Variants in RNF41 observed in about 807,000 individuals in gnomAD.
The protein encoded by RNF41 is ring finger protein 41, also known as E3 ubiquitin-protein ligase NRDP1.
A neutral mutation model predicts 33.0 loss-of-function variants in RNF41; 4 were observed. The ratio of observed to expected loss-of-function variants is 0.12; its 90% CI spans 0.06 to 0.28. RNF41 has a LOEUF of 0.28. Ranked by LOEUF, RNF41 falls within the 10% of genes least tolerant of loss-of-function variation. The pLI is 1.00. For synonymous variants in RNF41, 164 were observed against 153.2 expected, an observed-to-expected ratio of 1.07 and a Z score of -0.52; for missense variants, 228 against 432.6, an observed-to-expected ratio of 0.53 and a Z score of 4.19.
chr12:56,210,385 C>T lies in RNF41; in HGVS notation c.274G>A (p.Ala92Thr). The change falls in exon 4 of 7, where the codon GCC becomes ACC. Residue 92 changes from alanine to threonine, a missense_variant. Ala to Thr is a moderately conservative substitution (Grantham distance 58). This residue lies in a region of RNF41 where 199 missense variants were observed against 334.6 expected (regional missense o/e 0.59). Transcript: ENST00000345093. ...ATGAGGTTGTCAAGCCGGACAACGG[C>T]ACTACAGCCGAACACAGCGTTGTCA... ...ACDNAVFGCS[A>T]VVRLDNLMSH... 6.2e-7 allele frequency: 1 copy of T among 1,614,222 alleles called. No homozygotes were observed. Among genetic ancestry groups the T allele is most frequent in the East Asian group, 2.2e-5 (1 of 44,880 alleles).
chr12:56,209,352 C>T (rs1392351858), intron 4 of RNF41, among the ~76,000 whole-genome samples: 2 of 151,944 alleles, frequency 1.3e-5, no homozygotes, highest in African/African-American at 2.4e-5. Flanking sequence ...AGTGCAATGG[C>T]GCGATCTCAG....
Position 56,206,549 on chromosome 12 carries a change from C to T in RNF41, c.852G>A (p.Gln284=), listed in dbSNP as rs775270365. The T allele has an allele frequency of 6.2e-7, 1 of 1,614,200 alleles. No individual in the cohort carries two copies. Among genetic ancestry groups the T allele is most frequent in the Admixed American group, 1.7e-5 (1 of 60,030 alleles). ...TCTCACAGGCCATCACGACAACAGC[C>T]TGCTTGCCAGGGATGCGCTTGGCCA... ...NYVAKRIPGK[Q]AVVVMACENQ... is the part of the protein sequence containing the mutation. Residue 284 remains glutamine, a synonymous_variant, in exon 7 of 7, where the codon CAG becomes CAA. Transcript: ENST00000345093. This position sits in a 1 kb window ranked among gnomAD's most constrained non-coding sequence, Gnocchi z 5.7.
At chr12:56,219,048 G>C (rs1380320370) in intron 1 of RNF41, among the ~76,000 whole-genome samples, 1 of 150,668 alleles carries the variant, frequency 6.6e-6, no homozygotes, top group Non-Finnish European at 1.5e-5. Flanking sequence ...TGTCGCTCAG[G>C]ATGGAGTGCA....
At position 56,203,216 on chromosome 12, in the gene RNF41, GCT is replaced by G. The variant is rs965223923; in HGVS notation, c.*3229_*3230del. 2 of 151,340 alleles carry G rather than the reference GCT, an allele frequency of 1.3e-5. No individual in the cohort carries two copies. Among genetic ancestry groups the G allele is most frequent in the African/African-American group, 4.9e-5 (2 of 40,840 alleles). The allele number at this position is 151,340 out of a possible 1,614,324, so 9.4% of individuals were successfully genotyped here. The stretch of plus-strand genomic sequence containing the variant: ...TTTTTTTTTTTTGAGACAGGCTCTT[GCT>G]CTGTCACCAGGCTGGAGTGCAGTGG... On this transcript the variant is annotated 3_prime_UTR_variant, in exon 7 of 7. Coordinates refer to ENST00000345093, the MANE Select transcript of RNF41 (RefSeq NM_005785.4).
chr12:56,205,289 A>G lies in RNF41; in HGVS notation c.*1158T>C, dbSNP rs1176696270. On this transcript the variant is annotated 3_prime_UTR_variant, in exon 7 of 7. Transcript: ENST00000345093. ...GAAGCTCCTCATTTCAGTTGGGGTTACAGAGGTTTGGGGCAGATATCGTAA... is the reference window on the plus strand; with the variant it reads ...GAAGCTCCTCATTTCAGTTGGGGTTGCAGAGGTTTGGGGCAGATATCGTAA... The G allele has an allele frequency of 1.3e-5, 2 of 152,182 alleles. No homozygotes were observed. Among genetic ancestry groups the G allele is most frequent in the Non-Finnish European group, 2.9e-5 (2 of 68,056 alleles). The allele number at this position is 152,182 out of a possible 1,614,324, so 9.4% of individuals were successfully genotyped here. A position where few individuals can be genotyped will look rare whatever the true frequency, so the allele number is the denominator to read the frequency against.
At chr12:56,213,743 C>A (rs1219836998) in intron 3 of RNF41, among the ~76,000 whole-genome samples, 1 of 152,148 alleles carries the variant, frequency 6.6e-6, no homozygotes, top group African/African-American at 2.4e-5. Context: ...AGAAAAAAAT[C>A]TGAACCACTG....
At chr12:56,221,184 G>C (rs1869387675) in intron 1 of RNF41, among the ~76,000 whole-genome samples, 1 of 152,080 alleles carries the variant, frequency 6.6e-6, no homozygotes, top group Non-Finnish European at 1.5e-5. Context: ...GTTAGGGAAG[G>C]CCTTCCAGTG....
intron 1 of RNF41, among the ~76,000 whole-genome samples, chr12:56,219,923 G>A (rs1044830670): frequency 2.6e-5 from 4 of 151,656 alleles, no homozygotes; most frequent in Admixed American, 2.6e-4. Context: ...AGGCTGAAGG[G>A]GGAAGGTCAA....
At chr12:56,221,034 C>T (rs1378815660) in intron 1 of RNF41, among the ~76,000 whole-genome samples, 1 of 152,178 alleles carries the variant, frequency 6.6e-6, no homozygotes, top group Non-Finnish European at 1.5e-5. Context: ...ATAACAGCCC[C>T]ACTTGCTATT....
intron 1 of RNF41, among the ~76,000 whole-genome samples, chr12:56,216,852 CAA>C (rs1388806295): frequency 6.6e-6 from 1 of 152,088 alleles, no homozygotes; most frequent in Non-Finnish European, 1.5e-5. Context: ...AAGAAAAGGA[CAA>C]GAGAGGCCGG....
rs866054447 is a variant in RNF41 at position 56,210,773 on chromosome 12, G to C, written c.91-205C>G. ...GATACGTTTCCTGCTGGGCACGGTG[G>C]CTCATGCCTGTAATCCCAGCACTTT... On this transcript the variant is annotated intron_variant, in intron 3 of 6. Coordinates refer to ENST00000345093, the MANE Select transcript of RNF41 (RefSeq NM_005785.4). Among the ~76,000 whole-genome samples, 5 of 152,226 alleles carry C rather than the reference G, an allele frequency of 3.3e-5. No individual in the cohort carries two copies. In the South Asian group the frequency reaches 1.0e-3, roughly 31 times the overall value.
At position 56,208,297 on chromosome 12, in the gene RNF41, G is replaced by A. The variant is rs906102102; in HGVS notation, c.364C>T (p.Leu122=). The stretch of plus-strand genomic sequence containing the variant: ...GGCAGCTCATCTTTGGGCATCTCCA[G>A]GCTGCAGACCAGGGTGGGGAAAGAG... ...RPVTCEQGCG[L]EMPKDELPNH... is the part of the protein sequence containing the mutation. The change falls in exon 5 of 7, where the codon CTG becomes TTG. Residue 122 remains leucine (L), a splice_region_variant and synonymous_variant. Coordinates refer to ENST00000345093, the MANE Select transcript of RNF41 (RefSeq NM_005785.4). 6.2e-7 allele frequency: 1 copy of A among 1,614,090 alleles called. No individual in the cohort carries two copies. Among genetic ancestry groups the A allele is most frequent in the African/African-American group, 1.3e-5 (1 of 75,046 alleles).
At chr12:56,221,277 C>T (rs1178049190) in intron 1 of RNF41, among the ~76,000 whole-genome samples, 1 of 152,118 alleles carries the variant, frequency 6.6e-6, no homozygotes, top group Non-Finnish European at 1.5e-5. Flanking sequence ...TCATGGAGGG[C>T]TGGGAGGGGG....
intron 1 of RNF41, among the ~76,000 whole-genome samples, chr12:56,218,767 G>A (rs778930429): frequency 1.9e-4 from 28 of 151,072 alleles, no homozygotes; most frequent in Non-Finnish European, 3.2e-4. Context: ...ACAGTGGCAC[G>A]ATCTTGGCTC....
intron 1 of RNF41, among the ~76,000 whole-genome samples, chr12:56,218,567 C>G (rs2135816424): frequency 1.3e-5 from 2 of 151,508 alleles, no homozygotes; most frequent in South Asian, 4.2e-4. Flanking sequence ...GCGCCCACCC[C>G]CAAATCTACA....
chr12:56,208,573 A>G lies in RNF41; in HGVS notation c.363-275T>C, dbSNP rs1450882346. 13 of 215,420 alleles carry G rather than the reference A, an allele frequency of 6.0e-5. No homozygotes were observed. In the Admixed American group the frequency reaches 7.1e-4, roughly 12 times the overall value. The allele number at this position is 215,420 out of a possible 1,614,324, so 13.3% of individuals were successfully genotyped here. ...ATTTATTTTATTTTGTATTTTTATT[A>G]TTTTTTTTGACACGGAGTTTCGCTC... is the stretch of plus-strand genomic sequence containing the variant. On this transcript the variant is annotated intron_variant, in intron 4 of 6. Transcript: ENST00000345093.
At chr12:56,207,212 C>T (rs1269614776) in intron 6 of RNF41, 4 of 1,328,402 alleles carry the variant, frequency 3.0e-6, no homozygotes, top group African/African-American at 3.0e-5. Flanking sequence ...TGAAAGAGAT[C>T]TTAGACTTCA....
chr12:56,215,934 C>T (rs975810990), intron 2 of RNF41, among the ~76,000 whole-genome samples: 2 of 151,702 alleles, frequency 1.3e-5, no homozygotes, highest in African/African-American at 2.4e-5. Flanking sequence ...CCAGCCTGGC[C>T]AACATGGTGA....
chr12:56,219,136 G>A (rs2135817244), intron 1 of RNF41, among the ~76,000 whole-genome samples: 1 of 151,806 alleles, frequency 6.6e-6, no homozygotes. Context: ...CTCCTGAGTA[G>A]CTGGGATCAC....
Sources: allele counts gnomAD v4.1 joint callset (sites outside exome capture counted in the v4.1 genomes callset), GRCh38; gene constraint gnomAD v4.1.1; regional missense constraint gnomAD v4.1.1; non-coding constraint Gnocchi (gnomAD v3.1); transcripts MANE v1.5; gene names NCBI Gene and HGNC (gene_info 2026-07-23, HGNC 2026-07-21).